The following EPHA1 variants were observed in gnomAD, a reference collection of about 807,000 sequenced individuals.
EPHA1 encodes EPH receptor A1.
EPHA1 carries 92 observed loss-of-function variants against 110.1 expected under a neutral mutation model. The ratio of observed to expected loss-of-function variants is 0.84; its 90% confidence interval spans 0.71 to 0.99. EPHA1 has a LOEUF of 0.99. Among genes scored for constraint, EPHA1 ranks in the 50% least tolerant of loss-of-function variants. EPHA1 has a pLI of 0.00. For missense variants in EPHA1, 1,204 were observed against 1,285.4 expected (o/e 0.94, Z 0.97); for synonymous variants, 500 against 516.1 (o/e 0.97, Z 0.42).
At chr7:143,397,033 G>A (rs1303448226) in intron 10 of EPHA1, among the ~76,000 whole-genome samples, 1 of 152,132 alleles carries the variant, frequency 6.6e-6, no homozygotes, top group Non-Finnish European at 1.5e-5. Flanking sequence ...AGCCCAGGGT[G>A]ACAAGACAGC....
chr7:143,399,218 C>T, intron 5 of EPHA1, 40 bp downstream of exon 5: 1 of 1,590,374 alleles, frequency 6.3e-7, no homozygotes, highest in Non-Finnish European at 8.5e-7. Flanking sequence ...AAGATCCAGC[C>T]CCTCCCTCCA....
At chr7:143,399,001 T>C in intron 5 of EPHA1, 56 bp from the exon 6 acceptor site, 1 of 1,469,728 alleles carries the variant, frequency 6.8e-7, no homozygotes, top group Non-Finnish European at 9.2e-7. Context: ...CCCGAGCTGC[T>C]GATCCCCGGC....
In EPHA1 at chr7:143,398,440, A is replaced by G; in HGVS notation, c.1345T>C (p.Ser449Pro). 6.2e-7 allele frequency: 1 copy of G among 1,614,136 alleles called. No individual in the cohort carries two copies. Residue 449 changes from serine (S) to proline (P), a missense_variant, in exon 7 of 18, where the codon TCA (serine) becomes CCA (proline). Ser to Pro is a moderately conservative substitution (Grantham distance 74, BLOSUM62 -1). Coordinates refer to ENST00000275815, the MANE Select transcript of EPHA1 (RefSeq NM_005232.5). ...TTCACCAGTCTCAGAGACAGGCCTG[A>G]CAGTGACTCTGGGGGTCCAGAGGGA... ...SISMGHAESL[S>P]GLSLRLVKKE...
chr7:143,392,612 C>T (rs555120774), intron 16 of EPHA1, among the ~76,000 whole-genome samples: 42 of 150,916 alleles, frequency 2.8e-4, no homozygotes, highest in Non-Finnish European at 5.8e-4. Context: ...AAATGCAGCT[C>T]TGACCATGTC....
At chr7:143,394,373 A>G (rs749720484) in intron 14 of EPHA1, 30 bp from the exon 15 acceptor site, 1 of 1,597,932 alleles carries the variant, frequency 6.3e-7, no homozygotes, top group Non-Finnish European at 8.5e-7. Flanking sequence ...AGGGACGGAA[A>G]GTTATGGTGT....
chr7:143,402,027 C>T (rs979685284), intron 2 of EPHA1, among the ~76,000 whole-genome samples: 1 of 152,068 alleles, frequency 6.6e-6, no homozygotes, highest in Admixed American at 6.5e-5. Context: ...CCTCAAACTC[C>T]TGGGCTCAGT....
At chr7:143,398,969 G>T (rs775911670) in intron 5 of EPHA1, 24 bp from the exon 6 acceptor site, 48 of 1,554,762 alleles carry the variant, frequency 3.1e-5, no homozygotes, top group Non-Finnish European at 4.0e-5. Flanking sequence ...GGAGCCATCA[G>T]TAGAAGCCGA....
intron 2 of EPHA1, among the ~76,000 whole-genome samples, chr7:143,403,850 CTGTCTA>C (rs1178756676): frequency 6.6e-6 from 1 of 152,194 alleles, no homozygotes; most frequent in Admixed American, 6.5e-5. Flanking sequence ...ATGCAATTAT[CTGTCTA>C]TAACCTTTGC....
Position 143,391,464 on chromosome 7 carries a change from T to G in EPHA1, c.2924A>C (p.Lys975Thr), listed in dbSNP as rs1482180615. The change falls in exon 18 of 18, where the codon AAG (lysine) becomes ACG (threonine). Residue 975 changes from lysine (K) to threonine (T), a missense_variant. Transcript: ENST00000275815. The part of the protein sequence containing the change: ...KRILCSIQGF[K>T]D ...ATGGGGTGAGAGGAGGGATCAGTCC[T>G]TGAATCCCTGAATACTGCAAAGAAT... 6 of 1,613,988 alleles carry G rather than the reference T, an allele frequency of 3.7e-6. No individual in the cohort carries two copies. Among genetic ancestry groups the G allele is most frequent in the Non-Finnish European group, 5.1e-6 (6 of 1,180,026 alleles).
chr7:143,408,099 G>A (rs1233552801), intron 1 of EPHA1, among the ~76,000 whole-genome samples: 1 of 152,204 alleles, frequency 6.6e-6, no homozygotes, highest in Non-Finnish European at 1.5e-5. Flanking sequence ...GGTTTCCTGG[G>A]TAGGGAGGCT....
At chr7:143,406,532 C>T (rs969596343) in intron 2 of EPHA1, among the ~76,000 whole-genome samples, 1 of 152,174 alleles carries the variant, frequency 6.6e-6, no homozygotes, top group Non-Finnish European at 1.5e-5. Context: ...TAATTGAACC[C>T]GAGGAGGAGG....
intron 7 of EPHA1, 86 bp from the exon 8 acceptor site, chr7:143,398,156 GC>G: frequency 6.3e-7 from 1 of 1,587,380 alleles, no homozygotes; most frequent in Non-Finnish European, 8.6e-7. Context: ...ATGGGGAGGG[GC>G]TGGAGAGCAG....
Position 143,395,578 on chromosome 7 carries a change from A to G in EPHA1, c.1898-74T>C. The G allele has an allele frequency of 6.7e-7, 1 of 1,482,936 alleles. No individual in the cohort carries two copies. Among genetic ancestry groups the G allele is most frequent in the Non-Finnish European group, 9.2e-7 (1 of 1,083,272 alleles). 91.9% of individuals were successfully genotyped at this position (1,482,936 alleles called of 1,614,324 possible). The stretch of plus-strand genomic sequence containing the variant: ...CCAGGGGACAGGCAGCAACCCCTCC[A>G]GTCCTCCGGCCCTTTTCTTTTCTGG... On this transcript the variant is annotated intron_variant, in intron 11 of 17. Coordinates refer to ENST00000275815, the MANE Select transcript of EPHA1 (RefSeq NM_005232.5). The surrounding 1 kb of genome is among the most constrained non-coding windows in gnomAD (Gnocchi z 4.7).
At position 143,398,445 on chromosome 7, in the gene EPHA1, G is replaced by A; in HGVS notation, c.1340C>T (p.Ser447Leu). ...SVSISMGHAE[S>L]LSGLSLRLVK... The stretch of plus-strand genomic sequence containing the variant: ...CAGTCTCAGAGACAGGCCTGACAGT[G>A]ACTCTGGGGGTCCAGAGGGATAAGG... The change falls in exon 7 of 18, where the codon TCA becomes TTA. Residue 447 changes from serine (S) to leucine (L), a missense_variant. By Grantham distance (145) the Ser-to-Leu change is moderately radical (BLOSUM62 -2). Transcript: ENST00000275815. 6.2e-7 allele frequency: 1 copy of A among 1,614,144 alleles called. No individual in the cohort carries two copies. Among genetic ancestry groups the A allele is most frequent in the Non-Finnish European group, 8.5e-7 (1 of 1,179,994 alleles).
chr7:143,393,611 C>A lies in EPHA1; in HGVS notation c.2696+60G>T, dbSNP rs1805149568. ...GCGCTCAAAGAAGATTGGCTGAATG[C>A]CCATTTCCACTCTCCTAGCGCTGCC... On this transcript the variant is annotated intron_variant, in intron 16 of 17. Coordinates refer to ENST00000275815, the MANE Select transcript of EPHA1 (RefSeq NM_005232.5). The surrounding 1 kb of genome is among the most constrained non-coding windows in gnomAD (Gnocchi z 5.6). 1 of 1,559,038 alleles carries A rather than the reference C, an allele frequency of 6.4e-7. No individual in the cohort carries two copies.
chr7:143,395,268 C>A lies in EPHA1; in HGVS notation c.2083+51G>T, dbSNP rs1301754476. 5 of 1,613,624 alleles carry A rather than the reference C, an allele frequency of 3.1e-6. No individual in the cohort carries two copies. The highest frequency in any genetic ancestry group is 4.2e-6 in the Non-Finnish European group (5 of 1,179,866). Reference sequence around the variant, plus strand: ...CTCCCTCCACTTCCAGTGGTTTCACCCCTCTTTCCTGCATTTCCCGCCCCC... The same window carrying A: ...CTCCCTCCACTTCCAGTGGTTTCACACCTCTTTCCTGCATTTCCCGCCCCC... On this transcript the variant is annotated intron_variant, in intron 12 of 17. Coordinates refer to ENST00000275815, the MANE Select transcript of EPHA1 (RefSeq NM_005232.5). The surrounding 1 kb of genome is among the most constrained non-coding windows in gnomAD (Gnocchi z 4.7).
chr7:143,403,412 C>T (rs1805472277), intron 2 of EPHA1, among the ~76,000 whole-genome samples: 1 of 124,894 alleles, frequency 8.0e-6, no homozygotes, highest in Non-Finnish European at 1.9e-5. Flanking sequence ...GTATATAGAG[C>T]TTTCTTACTT....
intron 15 of EPHA1, 37 bp downstream of exon 15, chr7:143,394,157 A>T: frequency 6.3e-7 from 1 of 1,587,508 alleles, no homozygotes; most frequent in Non-Finnish European, 8.6e-7. Flanking sequence ...AGAGGTGTGA[A>T]TTGGAGACAA....
At chr7:143,396,557 G>C (rs768147894) in intron 10 of EPHA1, 47 bp from the exon 11 acceptor site, 27 of 1,600,730 alleles carry the variant, frequency 1.7e-5, no homozygotes, top group Non-Finnish European at 2.1e-5. Context: ...CAGGGCTCAG[G>C]AGTATGGGGG....
Sources: gnomAD v4.1 joint callset for allele counts (sites outside exome capture counted in the v4.1 genomes callset) on GRCh38, gnomAD v4.1.1 for gene constraint, Gnocchi (gnomAD v3.1) non-coding constraint, MANE v1.5 for transcripts, NCBI Gene and HGNC (gene_info 2026-07-23, HGNC 2026-07-21) for gene names.